The following RASEF variants were observed in gnomAD, a reference collection of about 807,000 sequenced individuals.
The protein encoded by RASEF is RAS and EF-hand domain containing.
RASEF carries 68 observed loss-of-function variants against 90.1 expected under a neutral mutation model. That is an observed-to-expected ratio of 0.75 (90% confidence interval 0.62 to 0.92). RASEF has a LOEUF of 0.92. Ranked by LOEUF, RASEF falls within the 40% of genes least tolerant of loss-of-function variation. RASEF has a pLI of 0.00. For missense variants in RASEF, 949 were observed against 937.2 expected (o/e 1.01, Z -0.16); for synonymous variants, 331 against 345.2 (o/e 0.96, Z 0.46).
At chr9:83,008,891 C>CATATATATATATATATAT (rs56810511) in intron 6 of RASEF, among the ~76,000 whole-genome samples, 2 of 19,560 alleles carry the variant, frequency 1.0e-4, no homozygotes, top group Non-Finnish European at 2.3e-4. Flanking sequence ...AAGTTCTCAT[C>CATATATATATATATATAT]ATATATATAT....
At chr9:82,984,551 C>T (rs1564067044) in intron 16 of RASEF, among the ~76,000 whole-genome samples, 1 of 152,152 alleles carries the variant, frequency 6.6e-6, no homozygotes. Context: ...GACACACACA[C>T]CCGACAGGAG....
chr9:83,170,739 G>A, the RASEF span, among the ~76,000 whole-genome samples: 2 of 151,848 alleles, frequency 1.3e-5, no homozygotes, highest in Admixed American at 6.6e-5. Context: ...AGCTAGTATA[G>A]AAACACTACT....
the RASEF span, among the ~76,000 whole-genome samples, chr9:83,114,336 A>G: frequency 6.6e-6 from 1 of 152,160 alleles, no homozygotes; most frequent in South Asian, 2.1e-4. Flanking sequence ...CAACTTCGTA[A>G]GCAGAGGAGG....
At chr9:83,108,342 CAG>C in the RASEF span, among the ~76,000 whole-genome samples, 3 of 152,136 alleles carry the variant, frequency 2.0e-5, no homozygotes, top group Non-Finnish European at 4.4e-5. Context: ...AGCCAGAAGT[CAG>C]AGAACTATGG....
chr9:83,059,213 T>G (rs1428411929), intron 1 of RASEF, among the ~76,000 whole-genome samples: 1 of 151,426 alleles, frequency 6.6e-6, no homozygotes, highest in East Asian at 1.9e-4. Flanking sequence ...CAGCTCTGAC[T>G]AGAGGTCAGA....
chr9:83,057,033 C>G (rs1016530537), intron 1 of RASEF, among the ~76,000 whole-genome samples: 2 of 152,170 alleles, frequency 1.3e-5, no homozygotes, highest in African/African-American at 2.4e-5. Context: ...GTGGCCACCA[C>G]CCAGCAAGTA....
At chr9:83,164,063 G>A in the RASEF span, among the ~76,000 whole-genome samples, 257 of 148,814 alleles carry the variant, frequency 1.7e-3, 2 homozygotes, top group African/African-American at 5.1e-3. Flanking sequence ...AAATGAAGGA[G>A]AAATAAAGAC....
chr9:83,181,785 C>G, the RASEF span, among the ~76,000 whole-genome samples: 1 of 152,216 alleles, frequency 6.6e-6, no homozygotes, highest in East Asian at 1.9e-4. Flanking sequence ...TATTTATAAA[C>G]ACCTCAAATT....
intron 7 of RASEF, among the ~76,000 whole-genome samples, chr9:83,007,157 T>G (rs1829150509): frequency 6.6e-6 from 1 of 151,982 alleles, no homozygotes; most frequent in Non-Finnish European, 1.5e-5. Flanking sequence ...GGGCCATTTT[T>G]CTTTATAGAG....
At chr9:83,185,241 T>C in the RASEF span, among the ~76,000 whole-genome samples, 701 of 151,944 alleles carry the variant, frequency 4.6e-3, 5 homozygotes, top group African/African-American at 0.016. Flanking sequence ...GAAAACTTAA[T>C]AGAGCCAACA....
At chr9:83,015,226 T>C (rs1334893094) in intron 4 of RASEF, among the ~76,000 whole-genome samples, 3 of 152,182 alleles carry the variant, frequency 2.0e-5, no homozygotes, top group Non-Finnish European at 4.4e-5. Context: ...AAGCATGCAG[T>C]CTACCAGACA....
the RASEF span, among the ~76,000 whole-genome samples, chr9:83,147,026 G>GTATATATATATATA: frequency 8.5e-6 from 1 of 118,114 alleles, no homozygotes; most frequent in Non-Finnish European, 1.7e-5. Flanking sequence ...GTGTGTGTGT[G>GTATATATATATATA]TGTATATATA....
In RASEF at chr9:83,062,879, G is replaced by C; in HGVS notation, c.-12C>G. 6.8e-7 allele frequency: 1 copy of C among 1,479,418 alleles called. No homozygotes were observed. Among genetic ancestry groups the C allele is most frequent in the Non-Finnish European group, 8.9e-7 (1 of 1,125,326 alleles). The allele number at this position is 1,479,418 out of a possible 1,614,324, so 91.6% of individuals were successfully genotyped here. Reference sequence around the variant, plus strand: ...CCATCCGCCTCCATCCCGCCTGGCGGGGGCGGCCGAGAGGGCTCCGGAGCG... The same window carrying C: ...CCATCCGCCTCCATCCCGCCTGGCGCGGGCGGCCGAGAGGGCTCCGGAGCG... On this transcript the variant is annotated 5_prime_UTR_variant, in exon 1 of 17. Coordinates refer to ENST00000376447, the MANE Select transcript of RASEF (RefSeq NM_152573.4).
the RASEF span, among the ~76,000 whole-genome samples, chr9:83,190,120 C>A: frequency 2.0e-5 from 3 of 152,132 alleles, no homozygotes; most frequent in Non-Finnish European, 4.4e-5. Flanking sequence ...CCTATACTTT[C>A]TTGAATTCTG....
At chr9:82,987,137 A>G (rs529239138) in intron 16 of RASEF, among the ~76,000 whole-genome samples, 1 of 152,356 alleles carries the variant, frequency 6.6e-6, no homozygotes, top group African/African-American at 2.4e-5. Flanking sequence ...CAAGGTTGTA[A>G]AACTTCAACA....
At chr9:82,993,091 C>A in intron 14 of RASEF, 66 bp from the exon 15 acceptor site, 1 of 1,513,852 alleles carries the variant, frequency 6.6e-7, no homozygotes, top group Non-Finnish European at 9.0e-7. Context: ...GACCACAGAA[C>A]AACAGCAACA....
At chr9:83,137,490 A>T in the RASEF span, among the ~76,000 whole-genome samples, 5 of 152,312 alleles carry the variant, frequency 3.3e-5, no homozygotes, top group East Asian at 9.6e-4. Context: ...TACAGAAAGC[A>T]GGACAATGGT....
chr9:83,156,077 G>T, the RASEF span, among the ~76,000 whole-genome samples: 1 of 152,142 alleles, frequency 6.6e-6, no homozygotes, highest in South Asian at 2.1e-4. Flanking sequence ...TATGGCCCAT[G>T]CATCATATCT....
At chr9:83,120,781 G>A in the RASEF span, among the ~76,000 whole-genome samples, 1 of 152,140 alleles carries the variant, frequency 6.6e-6, no homozygotes, top group African/African-American at 2.4e-5. Context: ...TAAAGACCCT[G>A]CCAGGATGAC....
Sources: gnomAD v4.1 joint callset for allele counts (sites outside exome capture counted in the v4.1 genomes callset) on GRCh38, gnomAD v4.1.1 for gene constraint, MANE v1.5 for transcripts, NCBI Gene and HGNC (gene_info 2026-07-23, HGNC 2026-07-21) for gene names.